MYH9: variants seen among roughly 807,000 people sequenced by gnomAD.
MYH9 encodes the protein myosin heavy chain 9, also known as myosin-9.
A neutral mutation model predicts 241.9 loss-of-function variants in MYH9; 29 were observed. That is an observed-to-expected ratio of 0.12 (90% CI 0.09 to 0.16). The LOEUF is 0.16. Ranked by LOEUF, MYH9 falls within the 10% of genes least tolerant of loss-of-function variation. The pLI is 1.00. For synonymous variants in MYH9, 1,047 were observed against 1,062.6 expected, an observed-to-expected ratio of 0.99 and a Z score of 0.29; for missense variants, 1,803 against 2,595.5, an observed-to-expected ratio of 0.69 and a Z score of 6.63.
At chr22:36,327,288 C>T (rs1213857744) in intron 4 of MYH9, among the ~76,000 whole-genome samples, 173 bp downstream of exon 4, 1 of 152,182 alleles carries the variant, frequency 6.6e-6, no homozygotes, top group African/African-American at 2.4e-5. Flanking sequence ...GCAGTGGGAC[C>T]ACTGAGTAGC....
At position 36,285,101 on chromosome 22, in the gene MYH9, G is replaced by A; in HGVS notation, c.5483+20C>T. On this transcript the variant is annotated intron_variant, in intron 38 of 40. Coordinates refer to ENST00000216181, the MANE Select transcript of MYH9 (RefSeq NM_002473.6). This position sits in a 1 kb window ranked among gnomAD's most constrained non-coding sequence, Gnocchi z 7.0. ...TTTTTTCCAGGACAGCTGGGGTTGGGCGGGGCCAGGGGCACGTACTTGGTC... is the reference window on the plus strand; with the variant it reads ...TTTTTTCCAGGACAGCTGGGGTTGGACGGGGCCAGGGGCACGTACTTGGTC... 6.2e-7 allele frequency: 1 copy of A among 1,611,992 alleles called. No homozygotes were observed. The highest frequency in any genetic ancestry group is 8.5e-7 in the Non-Finnish European group (1 of 1,179,102).
At chr22:36,324,151 T>C (rs539887477) in intron 5 of MYH9, among the ~76,000 whole-genome samples, 2 of 152,366 alleles carry the variant, frequency 1.3e-5, no homozygotes, top group East Asian at 1.9e-4. Context: ...AGGCCTCTGT[T>C]TGGGACCACA....
intron 5 of MYH9, 82 bp from the exon 6 acceptor site, chr22:36,322,603 G>T: frequency 2.2e-6 from 3 of 1,359,802 alleles, no homozygotes; most frequent in Non-Finnish European, 3.1e-6. Flanking sequence ...GGGGACGATG[G>T]CAGAGCCGTG....
chr22:36,294,888 G>A (rs768258885), intron 27 of MYH9, 44 bp downstream of exon 27: 23 of 1,605,166 alleles, frequency 1.4e-5, no homozygotes, highest in Non-Finnish European at 1.7e-5. Context: ...GGCCCAGCAC[G>A]GGGAACCCTG....
intron 23 of MYH9, among the ~76,000 whole-genome samples, chr22:36,299,308 T>G (rs914509927): frequency 2.0e-5 from 3 of 152,142 alleles, no homozygotes; most frequent in South Asian, 2.1e-4. Context: ...GAGAAAGGAT[T>G]CCAGGTGACA....
At chr22:36,291,079 C>T (rs1489227387) in intron 31 of MYH9, among the ~76,000 whole-genome samples, 1 of 145,834 alleles carries the variant, frequency 6.9e-6, no homozygotes, top group Non-Finnish European at 1.5e-5. Flanking sequence ...CCCCGCCAGG[C>T]CAGCCGCCCC....
At position 36,320,659 on chromosome 22, in the gene MYH9, G is replaced by C. The variant is rs1452966548; in HGVS notation, c.868+139C>G. ...GACCAAGTCCTTAGGATGGCGCAGA[G>C]AACAGGAGTCACTCTCACTTCTCCC... is the stretch of plus-strand genomic sequence containing the variant. On this transcript the variant is annotated intron_variant, in intron 8 of 40. Transcript: ENST00000216181. The surrounding 1 kb of genome is among the most constrained non-coding windows in gnomAD (Gnocchi z 4.8). The C allele has an allele frequency of 6.4e-6, 5 of 777,668 alleles. No individual in the cohort carries two copies. The East Asian group carries it at 1.1e-4, about 17-fold the overall frequency. 48.2% of individuals were successfully genotyped at this position (777,668 alleles called of 1,614,324 possible). A position where few individuals can be genotyped will look rare whatever the true frequency, so the allele number is the denominator to read the frequency against.
intron 2 of MYH9, among the ~76,000 whole-genome samples, chr22:36,345,928 C>G (rs1461058190): frequency 6.6e-6 from 1 of 152,186 alleles, no homozygotes; most frequent in Non-Finnish European, 1.5e-5. Context: ...GTGGGCGGAT[C>G]ATGAGGTCAG....
At chr22:36,349,377 T>C (rs941769605) in intron 1 of MYH9, 122 bp from the exon 2 acceptor site, 64 of 760,812 alleles carry the variant, frequency 8.4e-5, no homozygotes, top group Non-Finnish European at 1.3e-5. Context: ...AAACTCTATA[T>C]AACCAGGCTG....
intron 30 of MYH9, 71 bp from the exon 31 acceptor site, chr22:36,292,305 C>T: frequency 2.5e-6 from 4 of 1,602,050 alleles, no homozygotes; most frequent in Middle Eastern, 1.7e-4. Flanking sequence ...GTCCCTGGGG[C>T]AGCTGGGAGC....
At chr22:36,298,428 T>G (rs1354958141) in intron 24 of MYH9, among the ~76,000 whole-genome samples, 1 of 152,134 alleles carries the variant, frequency 6.6e-6, no homozygotes, top group African/African-American at 2.4e-5. Flanking sequence ...GTCTAGGACT[T>G]TACGGTACAT....
chr22:36,305,223 A>C lies in MYH9; in HGVS notation c.2160-121T>G. ...AACAGACACAGAATTCTTTACACAA[A>C]CTCTCCTAAGGAAAGAAGACACAGG... On this transcript the variant is annotated intron_variant, in intron 17 of 40. Coordinates refer to ENST00000216181, the MANE Select transcript of MYH9 (RefSeq NM_002473.6). The surrounding 1 kb of genome is among the most constrained non-coding windows in gnomAD (Gnocchi z 4.7). 1 of 894,980 alleles carries C rather than the reference A, an allele frequency of 1.1e-6. No individual in the cohort carries two copies. Among genetic ancestry groups the C allele is most frequent in the Non-Finnish European group, 1.8e-6 (1 of 550,782 alleles). 55.4% of individuals were successfully genotyped at this position (894,980 alleles called of 1,614,324 possible).
chr22:36,297,427 ACT>A (rs1371102305), intron 24 of MYH9: 6 of 176,318 alleles, frequency 3.4e-5, no homozygotes, highest in African/African-American at 1.2e-4. Flanking sequence ...TAGCTTTATA[ACT>A]CTGTGATGTC....
At chr22:36,383,742 G>A (rs2018294970) in intron 1 of MYH9, among the ~76,000 whole-genome samples, 1 of 151,770 alleles carries the variant, frequency 6.6e-6, no homozygotes, top group Non-Finnish European at 1.5e-5. Context: ...TAGATCACCT[G>A]AGGTCAGGAG....
intron 14 of MYH9, among the ~76,000 whole-genome samples, chr22:36,311,367 CT>C (rs1256044797): frequency 6.6e-6 from 1 of 152,072 alleles, no homozygotes; most frequent in Non-Finnish European, 1.5e-5. Flanking sequence ...TTCCCCGCAC[CT>C]CCCCCCCCGA....
chr22:36,294,382 G>C (rs1286587194), intron 27 of MYH9, 84 bp from the exon 28 acceptor site: 32 of 1,448,844 alleles, frequency 2.2e-5, no homozygotes, highest in Non-Finnish European at 2.9e-5. Context: ...CCTAGATCCA[G>C]ACATCGCTGC....
At chr22:36,346,994 C>A (rs1031698986) in intron 2 of MYH9, among the ~76,000 whole-genome samples, 21 of 151,966 alleles carry the variant, frequency 1.4e-4, no homozygotes, top group African/African-American at 5.1e-4. Context: ...GTGGCTAGGG[C>A]AACATAAAGA....
chr22:36,331,578 C>A (rs557944588), intron 3 of MYH9, among the ~76,000 whole-genome samples: 1 of 152,342 alleles, frequency 6.6e-6, no homozygotes, highest in African/African-American at 2.4e-5. Flanking sequence ...GCCTCACTTC[C>A]TCTGTGAGAG....
At chr22:36,339,700 C>G (rs2017553649) in intron 3 of MYH9, among the ~76,000 whole-genome samples, 1 of 152,122 alleles carries the variant, frequency 6.6e-6, no homozygotes, top group Non-Finnish European at 1.5e-5. Context: ...TCTAGATAGA[C>G]TGCAAAGTTT....
Sources: allele counts gnomAD v4.1 joint callset (sites outside exome capture counted in the v4.1 genomes callset), GRCh38; gene constraint gnomAD v4.1.1; non-coding constraint Gnocchi (gnomAD v3.1); transcripts MANE v1.5; gene names NCBI Gene and HGNC (gene_info 2026-07-23, HGNC 2026-07-21).